Variants in MACC1 observed in about 807,000 individuals in gnomAD.
MACC1 encodes the protein MET transcriptional regulator MACC1.
A neutral mutation model predicts 70.7 loss-of-function variants in MACC1; 79 were observed. The observed-to-expected ratio is 1.12, with a 90% CI of 0.93 to 1.35. The LOEUF (loss-of-function observed/expected upper bound fraction) is 1.35, where lower values mean the gene tolerates loss of function less well. MACC1 is among the 40% of genes most tolerant of loss of function. MACC1 has a pLI of 0.00. For synonymous variants in MACC1, 361 were observed against 347.2 expected (o/e 1.04, Z -0.44); for missense variants, 1,106 against 978.1 (o/e 1.13, Z -1.74).
At chr7:20,162,194 A>G in intron 3 of MACC1, among the ~76,000 whole-genome samples, 1 of 152,112 alleles carries the variant, frequency 6.6e-6, no homozygotes, top group East Asian at 1.9e-4. Flanking sequence ...GTAAATAAAC[A>G]TTTCCTGTTT....
chr7:20,164,148 G>T (rs576419732), intron 3 of MACC1, 108 bp downstream of exon 3: 4 of 152,366 alleles, frequency 2.6e-5, no homozygotes, highest in African/African-American at 9.6e-5. Context: ...TGTTGGCCAG[G>T]CTGGTCTCGA....
chr7:20,213,886 A>T (rs75397702), intron 1 of MACC1, among the ~76,000 whole-genome samples: 2,417 of 152,296 alleles, frequency 0.016, 69 homozygotes, highest in African/African-American at 0.054. Flanking sequence ...AAACCTACAT[A>T]TGTACCCCTG....
At position 20,159,590 on chromosome 7, in the gene MACC1, C is replaced by T. The variant is rs141159996; in HGVS notation, c.771G>A (p.Pro257=). The T allele has an allele frequency of 1.4e-5, 22 of 1,614,080 alleles. No individual in the cohort carries two copies. Among genetic ancestry groups the T allele is most frequent in the South Asian group, 2.2e-5 (2 of 91,068 alleles). ...QEVSLRAFLD[P]PHMLNHDLSC... Reference sequence around the variant, plus strand: ...AAAGATCATGGTTAAGCATGTGTGGCGGATCAAGGAAAGCCCTTAGAGACA... The same window carrying T: ...AAAGATCATGGTTAAGCATGTGTGGTGGATCAAGGAAAGCCCTTAGAGACA... The change falls in exon 5 of 7, where the codon CCG becomes CCA. Residue 257 remains proline, a synonymous_variant. Coordinates refer to ENST00000400331, the MANE Select transcript of MACC1 (RefSeq NM_182762.4).
At chr7:20,217,111 G>A (rs1026994477) in intron 1 of MACC1, among the ~76,000 whole-genome samples, 188 bp downstream of exon 1, 5 of 151,870 alleles carry the variant, frequency 3.3e-5, no homozygotes, top group Admixed American at 2.0e-4. Flanking sequence ...TCTATTCTAT[G>A]TCATGAGGTT....
intron 1 of MACC1, among the ~76,000 whole-genome samples, chr7:20,196,811 A>C (rs1268447124): frequency 6.6e-6 from 1 of 152,176 alleles, no homozygotes; most frequent in Non-Finnish European, 1.5e-5. Context: ...GTTGAAAAAT[A>C]AATAAAGCAA....
At position 20,158,270 on chromosome 7, in the gene MACC1, T is replaced by A; in HGVS notation, c.2091A>T (p.Ile697=). 1 of 1,610,110 alleles carries A rather than the reference T, an allele frequency of 6.2e-7. No individual in the cohort carries two copies. Among genetic ancestry groups the A allele is most frequent in the Non-Finnish European group, 8.5e-7 (1 of 1,179,140 alleles). The change falls in exon 5 of 7, where the codon ATA becomes ATT. Residue 697 remains isoleucine (I), a synonymous_variant. Coordinates refer to ENST00000400331, the MANE Select transcript of MACC1 (RefSeq NM_182762.4). ...TGTGGCAATCTTCCTTTAACTTCTT[T>A]ATAACATAAGAAACTTTCTCTGATT... ...DKESEKVSYV[I]KKLKEDCHTE...
intron 1 of MACC1, among the ~76,000 whole-genome samples, chr7:20,196,341 C>T (rs57735562): frequency 0.39 from 59,536 of 151,662 alleles, 12,377 homozygotes; most frequent in East Asian, 0.82. Context: ...CCACCACGCC[C>T]GGCTAATTTT....
rs779899264 is a variant in MACC1, at chr7:20,159,760, T to C, written c.601A>G (p.Ser201Gly). 6.2e-7 allele frequency: 1 copy of C among 1,614,120 alleles called. No individual in the cohort carries two copies. Among genetic ancestry groups the C allele is most frequent in the Non-Finnish European group, 8.5e-7 (1 of 1,180,024 alleles). ...SCLDLNTISQ[S>G]PGWAQTQLAE... Reference sequence around the variant, plus strand: ...AGTTGTGTCTGGGCCCATCCAGGGCTCTGACTAATTGTATTCAAATCAAGG... The same window carrying C: ...AGTTGTGTCTGGGCCCATCCAGGGCCCTGACTAATTGTATTCAAATCAAGG... The change falls in exon 5 of 7, where the codon AGC (serine) becomes GGC (glycine). Residue 201 changes from serine to glycine, a missense_variant. Physicochemically the swap from Ser to Gly is moderately conservative, Grantham distance 56. Coordinates refer to ENST00000400331, the MANE Select transcript of MACC1 (RefSeq NM_182762.4).
At chr7:20,207,258 A>C (rs948170984) in intron 1 of MACC1, among the ~76,000 whole-genome samples, 2 of 151,240 alleles carry the variant, frequency 1.3e-5, no homozygotes, top group African/African-American at 4.9e-5. Flanking sequence ...CTCCTATCTC[A>C]GCCTCCCAAG....
chr7:20,188,306 C>T (rs1268380950), intron 1 of MACC1, among the ~76,000 whole-genome samples: 1 of 152,122 alleles, frequency 6.6e-6, no homozygotes, highest in East Asian at 1.9e-4. Flanking sequence ...ATTTGAACCC[C>T]TTTGCTTGGA....
At chr7:20,200,561 C>T (rs1162319171) in intron 1 of MACC1, among the ~76,000 whole-genome samples, 1 of 152,128 alleles carries the variant, frequency 6.6e-6, no homozygotes, top group Non-Finnish European at 1.5e-5. Flanking sequence ...TAGGAAACTG[C>T]CAAACTCATC....
At chr7:20,181,265 T>C (rs1782502501) in intron 1 of MACC1, among the ~76,000 whole-genome samples, 1 of 152,090 alleles carries the variant, frequency 6.6e-6, no homozygotes, top group African/African-American at 2.4e-5. Context: ...TCTTACATTA[T>C]ATAAATAATA....
rs1000665698 is a variant in MACC1, at chr7:20,141,090, A to G, written c.2415T>C (p.Asp805=). The G allele has an allele frequency of 2.5e-6, 4 of 1,613,606 alleles. No individual in the cohort carries two copies. The highest frequency in any genetic ancestry group is 3.4e-6 in the Non-Finnish European group (4 of 1,179,804). ...AAGCTGACTGAAGGTCTTGTAACAC[A>G]TCTCTGTAGTTATTTCCATAGTGAG... The part of the protein sequence containing the change: ...WSAHYGNNYR[D]VLQDLQSALD... The change falls in exon 7 of 7, where the codon GAT becomes GAC. Residue 805 remains aspartate, a synonymous_variant. Coordinates refer to ENST00000400331, the MANE Select transcript of MACC1 (RefSeq NM_182762.4).
intron 1 of MACC1, among the ~76,000 whole-genome samples, chr7:20,182,436 A>C (rs1782524336): frequency 6.6e-6 from 1 of 152,076 alleles, no homozygotes; most frequent in Non-Finnish European, 1.5e-5. Flanking sequence ...CTTCTGATTA[A>C]CTCCAGTCCC....
chr7:20,157,138 AT>A (rs1338118451), intron 5 of MACC1, among the ~76,000 whole-genome samples: 1 of 152,226 alleles, frequency 6.6e-6, no homozygotes, highest in Non-Finnish European at 1.5e-5. Flanking sequence ...GACCTATAAG[AT>A]GAAGATACTA....
chr7:20,193,349 T>C (rs1782700446), intron 1 of MACC1, among the ~76,000 whole-genome samples: 2 of 152,232 alleles, frequency 1.3e-5, no homozygotes, highest in Admixed American at 6.5e-5. Flanking sequence ...TTGTTTATAA[T>C]GTGACTAAGT....
chr7:20,207,930 C>T (rs1167619161), intron 1 of MACC1, among the ~76,000 whole-genome samples: 1 of 152,056 alleles, frequency 6.6e-6, no homozygotes, highest in African/African-American at 2.4e-5. Flanking sequence ...TGGGAGGGAC[C>T]CTGTGGGAGG....
chr7:20,149,435 C>T (rs1781942454), intron 6 of MACC1, among the ~76,000 whole-genome samples: 1 of 152,132 alleles, frequency 6.6e-6, no homozygotes, highest in Non-Finnish European at 1.5e-5. Context: ...CATTTATTAT[C>T]TCATTTGATC....
At chr7:20,192,007 G>T (rs529090217) in intron 1 of MACC1, among the ~76,000 whole-genome samples, 16 of 152,048 alleles carry the variant, frequency 1.1e-4, no homozygotes, top group Admixed American at 2.0e-4. Flanking sequence ...AAGATAATAC[G>T]ATGAAGGATG....
Sources: allele counts gnomAD v4.1 joint callset (sites outside exome capture counted in the v4.1 genomes callset), GRCh38; gene constraint gnomAD v4.1.1; transcripts MANE v1.5; gene names NCBI Gene and HGNC (gene_info 2026-07-23, HGNC 2026-07-21).